The following ARX variants were observed in gnomAD, a reference collection of about 807,000 sequenced individuals.
The protein encoded by ARX is aristaless related homeobox.
A neutral mutation model predicts 23.1 loss-of-function variants in ARX; 1 was observed. The observed-to-expected ratio is 0.04, with a 90% confidence interval of 0.02 to 0.21. The LOEUF is 0.21. ARX is among the 10% of genes least tolerant of loss of function. ARX has a pLI of 1.00. For synonymous variants in ARX, 301 were observed against 270.1 expected, an observed-to-expected ratio of 1.11 and a Z score of -1.12; for missense variants, 380 against 527.5, an observed-to-expected ratio of 0.72 and a Z score of 2.74.
rs75489697 is a variant in ARX at position 25,007,212 on chromosome X, G to A, written c.1347C>T (p.Gly449=). ...AAFPSLPPPP[G]SASLPPSGAP... ...CCCCGCTGGGCGGCAGGCTGGCCGA[G>A]CCCGGAGGCGGAGGTAGGCTCGGGA... Residue 449 remains glycine (G), a synonymous_variant, in exon 4 of 5, where the codon GGC becomes GGT. Coordinates refer to ENST00000379044, the MANE Select transcript of ARX (RefSeq NM_139058.3). The A allele has an allele frequency of 0.026, 30,014 of 1,159,130 alleles. 435 individuals are homozygous for A. Among genetic ancestry groups the A allele is most frequent in the Admixed American group, 0.094 (3,732 of 39,879 alleles).
Position 25,013,671 on chromosome X carries a change from C to T in ARX, c.324G>A (p.Ala108=), listed in dbSNP as rs1333679850. 3 of 805,463 alleles carry T rather than the reference C, an allele frequency of 3.7e-6. No individual in the cohort carries two copies. The highest frequency in any genetic ancestry group is 4.5e-5 in the African/African-American group (2 of 44,065). 66.4% of individuals were successfully genotyped at this position (805,463 alleles called of 1,213,427 possible). ...CCGTGGCGGCCGCTGCCGCCGCCGCCGCCGCCGCCGCCGCCGCCGCTGCCG... is the reference window on the plus strand; with the variant it reads ...CCGTGGCGGCCGCTGCCGCCGCCGCTGCCGCCGCCGCCGCCGCCGCTGCCG... ...QGAAAAAAAA[A]AAAAAAATAT... Residue 108 remains alanine (A), a synonymous_variant, in exon 2 of 5, where the codon GCG becomes GCA. Coordinates refer to ENST00000379044, the MANE Select transcript of ARX (RefSeq NM_139058.3).
Position 25,013,539 on chromosome X carries a change from G to T in ARX, c.456C>A (p.Ala152=), listed in dbSNP as rs2048712208. Residue 152 remains alanine, a synonymous_variant, in exon 2 of 5, where the codon GCC becomes GCA. Transcript: ENST00000379044. ...AGAAAAAAAA[A]AAAWDTLKIS... The stretch of plus-strand genomic sequence containing the variant: ...TCTTGAGCGTGTCCCAGGCCGCGGC[G>T]GCCGCGGCCGCGGCTGCCGCGGCGG... 2 of 801,317 alleles carry T rather than the reference G, an allele frequency of 2.5e-6. No homozygotes were observed. Among genetic ancestry groups the T allele is most frequent in the Non-Finnish European group, 3.0e-6 (2 of 673,781 alleles). The allele number at this position is 801,317 out of a possible 1,213,427, so 66.0% of individuals were successfully genotyped here.
intron 1 of ARX, among the ~76,000 whole-genome samples, chrX:25,014,531 G>A (rs1354758592): frequency 8.9e-6 from 1 of 112,695 alleles, no homozygotes; most frequent in Non-Finnish European, 1.9e-5. Flanking sequence ...GGGTGGGGGG[G>A]CTTCTTGCAC....
At chrX:25,009,062 G>A (rs930876291) in intron 3 of ARX, among the ~76,000 whole-genome samples, 5 of 111,942 alleles carry the variant, frequency 4.5e-5, no homozygotes, top group African/African-American at 1.6e-4. Flanking sequence ...CTCCTTGATC[G>A]CAGTGAAAGA....
chrX:25,015,613 C>G lies in ARX; in HGVS notation c.125G>C (p.Arg42Pro), dbSNP rs763796730. The change falls in exon 1 of 5, where the codon CGG becomes CCG. Residue 42 changes from arginine to proline, a missense_variant. Transcript: ENST00000379044. ...CAAGCTCTGCGCGGCTCCCAGCAAC[C>G]GCATTTTGCACGGGCTCCTCCGGCC... ...ILGRRSPCKM[R>P]LLGAAQSLPA... is the part of the protein sequence containing the mutation. 1 of 1,210,343 alleles carries G rather than the reference C, an allele frequency of 8.3e-7. No individual in the cohort carries two copies. The highest frequency in any genetic ancestry group is 1.1e-6 in the Non-Finnish European group (1 of 894,756).
intron 4 of ARX, 74 bp downstream of exon 4, chrX:25,007,037 G>C: frequency 9.0e-7 from 1 of 1,106,646 alleles, no homozygotes; most frequent in Non-Finnish European, 1.2e-6. Context: ...TTTGACTCCT[G>C]CCTCCTCCCT....
At position 25,004,466 on chromosome X, in the gene ARX, C is replaced by T; in HGVS notation, c.*204G>A. 4 of 597,499 alleles carry T rather than the reference C, an allele frequency of 6.7e-6. No homozygotes were observed. Among genetic ancestry groups the T allele is most frequent in the South Asian group, 5.9e-5 (2 of 33,944 alleles). 49.2% of individuals were successfully genotyped at this position (597,499 alleles called of 1,213,427 possible). ...GCAGTAGCAGGGGCAGGGGCAGGGG[C>T]GGGTGGACAGCCAGCCGAGGAGGTG... On this transcript the variant is annotated 3_prime_UTR_variant, in exon 5 of 5. Coordinates refer to ENST00000379044, the MANE Select transcript of ARX (RefSeq NM_139058.3).
In ARX at chrX:25,004,760, G is replaced by A. The variant is rs1057523196; in HGVS notation, c.1599C>T (p.Ala533=). 3.4e-6 allele frequency: 4 copies of A among 1,169,964 alleles called. No homozygotes were observed. Among genetic ancestry groups the A allele is most frequent in the Non-Finnish European group, 4.6e-6 (4 of 874,799 alleles). ...AAADRRASSI[A]ALRLKAKEHA... ...GCTCCTTGGCCTTGAGCCTCAGCGCGGCTATGCTAGAGGCGCGTCTGTCTG... is the reference window on the plus strand; with the variant it reads ...GCTCCTTGGCCTTGAGCCTCAGCGCAGCTATGCTAGAGGCGCGTCTGTCTG... The change falls in exon 5 of 5, where the codon GCC becomes GCT. Residue 533 remains alanine (A), a synonymous_variant. Transcript: ENST00000379044.
In ARX at chrX:25,007,095, C is replaced by T. The variant is rs777796224; in HGVS notation, c.1448+16G>A. 2 of 1,181,625 alleles carry T rather than the reference C, an allele frequency of 1.7e-6. No individual in the cohort carries two copies. The highest frequency in any genetic ancestry group is 4.7e-5 in the Admixed American group (2 of 42,504). On this transcript the variant is annotated intron_variant, in intron 4 of 4. Coordinates refer to ENST00000379044, the MANE Select transcript of ARX (RefSeq NM_139058.3). ...AGAGACAGACAGACAGACAGACTTC[C>T]GAGGCTGCGCGTTACCTGCCGAATG... is the stretch of plus-strand genomic sequence containing the variant.
At chrX:25,012,883 C>T (rs764290914) in intron 2 of ARX, 39 bp downstream of exon 2, 2 of 1,188,886 alleles carry the variant, frequency 1.7e-6, no homozygotes, top group South Asian at 3.7e-5. Context: ...CCCGCGTGCG[C>T]TCTCTGCCGC....
chrX:25,007,327 C>T lies in ARX; in HGVS notation c.1232G>A (p.Ser411Asn). Residue 411 changes from serine (S) to asparagine (N), a missense_variant, in exon 4 of 5, where the codon AGC becomes AAC. Ser to Asn is a conservative substitution (Grantham distance 46). Around this residue, in one of 3 missense-constraint regions of ARX, gnomAD observed 121 missense variants for 169.7 expected, o/e 0.71. Transcript: ENST00000379044. ...GAAGGGGCTGGCGTCCAGGTAGGGG[C>T]TGAGCGGGTGGGTGGCGGAGAGCGG... is the stretch of plus-strand genomic sequence containing the variant. ...PGPLSATHPLSPYLDASPFPP... is the reference protein window; with the variant it reads ...PGPLSATHPLNPYLDASPFPP... The T allele has an allele frequency of 6.1e-6, 7 of 1,141,447 alleles. No homozygotes were observed. Among genetic ancestry groups the T allele is most frequent in the Non-Finnish European group, 6.9e-6 (6 of 865,700 alleles). 94.1% of individuals were successfully genotyped at this position (1,141,447 alleles called of 1,213,427 possible). A position where few individuals can be genotyped will look rare whatever the true frequency, so the allele number is the denominator to read the frequency against.
Position 25,013,531 on chromosome X carries a change from G to T in ARX, c.464C>A (p.Ala155Asp). The T allele has an allele frequency of 1.2e-6, 1 of 807,618 alleles. No homozygotes were observed. Among genetic ancestry groups the T allele is most frequent in the Non-Finnish European group, 1.5e-6 (1 of 677,909 alleles). 66.6% of individuals were successfully genotyped at this position (807,618 alleles called of 1,213,427 possible). A position where few individuals can be genotyped will look rare whatever the true frequency, so the allele number is the denominator to read the frequency against. ...CTGGCTGATCTTGAGCGTGTCCCAG[G>T]CCGCGGCGGCCGCGGCCGCGGCTGC... ...AAAAAAAAAA[A>D]WDTLKISQAP... Residue 155 changes from alanine (A) to aspartate (D), a missense_variant, in exon 2 of 5, where the codon GCC (alanine) becomes GAC (aspartate). Around this residue, in one of 3 missense-constraint regions of ARX, gnomAD observed 235 missense variants for 270.2 expected, o/e 0.87. Transcript: ENST00000379044.
chrX:25,009,797 C>T (rs2048694148), intron 3 of ARX, among the ~76,000 whole-genome samples: 1 of 111,861 alleles, frequency 8.9e-6, no homozygotes, highest in Non-Finnish European at 1.9e-5. Flanking sequence ...TTCAAATGGC[C>T]CTGTTTGTTC....
intron 1 of ARX, among the ~76,000 whole-genome samples, chrX:25,015,336 G>C (rs1236841827): frequency 8.9e-6 from 1 of 111,878 alleles, no homozygotes; most frequent in African/African-American, 3.2e-5. Context: ...AAGCGAAAAC[G>C]GGCCTTTTTC....
Position 25,007,356 on chromosome X carries a change from C to T in ARX, c.1203G>A (p.Pro401=). ...AQTHPPGLPF[P]GPLSATHPLS... ...GCGGGTGGGTGGCGGAGAGCGGCCC[C>T]GGGAAGGGCAGCCCAGGGGGGTGGG... The change falls in exon 4 of 5, where the codon CCG becomes CCA. Residue 401 remains proline (P), a synonymous_variant. Coordinates refer to ENST00000379044, the MANE Select transcript of ARX (RefSeq NM_139058.3). The T allele has an allele frequency of 3.5e-6, 4 of 1,146,847 alleles. No individual in the cohort carries two copies. Among genetic ancestry groups the T allele is most frequent in the South Asian group, 1.9e-5 (1 of 51,300 alleles). The allele number at this position is 1,146,847 out of a possible 1,213,427, so 94.5% of individuals were successfully genotyped here.
intron 2 of ARX, among the ~76,000 whole-genome samples, chrX:25,011,502 T>C (rs755468862): frequency 5.4e-4 from 61 of 113,124 alleles, no homozygotes; most frequent in African/African-American, 1.9e-3. Flanking sequence ...TCTTTGGAAA[T>C]ACACACGTAC....
chrX:25,007,596 G>C lies in ARX; in HGVS notation c.1120-157C>G, dbSNP rs192363904. Among the ~76,000 whole-genome samples, 4,332 of 111,382 alleles carry C rather than the reference G, an allele frequency of 0.039. 212 individuals carry two copies. Among genetic ancestry groups the C allele is most frequent in the African/African-American group, 0.13 (4,069 of 30,597 alleles). On this transcript the variant is annotated intron_variant, in intron 3 of 4. Coordinates refer to ENST00000379044, the MANE Select transcript of ARX (RefSeq NM_139058.3). Reference sequence around the variant, plus strand: ...CTTTGGCCTCAGGTTGTTTTCGGACGCGTCTGGGGCCAAATGAGCAGTGAA... The same window carrying C: ...CTTTGGCCTCAGGTTGTTTTCGGACCCGTCTGGGGCCAAATGAGCAGTGAA...
Position 25,015,706 on chromosome X carries a change from G to C in ARX, c.32C>G (p.Ser11Cys), listed in dbSNP as rs1698759878. 8.3e-7 allele frequency: 1 copy of C among 1,201,602 alleles called. No homozygotes were observed. Among genetic ancestry groups the C allele is most frequent in the African/African-American group, 1.7e-5 (1 of 57,273 alleles). Reference sequence around the variant, plus strand: ...TTTACTTTTGCACTCGGGCCTCTCGGAGCAGCCCTCCTCCTGGTACTGATT... The same window carrying C: ...TTTACTTTTGCACTCGGGCCTCTCGCAGCAGCCCTCCTCCTGGTACTGATT... The part of the protein sequence containing the change: MSNQYQEEGC[S>C]ERPECKSKSP... The change falls in exon 1 of 5, where the codon TCC (serine) becomes TGC (cysteine). Residue 11 changes from serine (S) to cysteine (C), a missense_variant. Physicochemically the swap from Ser to Cys is moderately radical, Grantham distance 112. Coordinates refer to ENST00000379044, the MANE Select transcript of ARX (RefSeq NM_139058.3).
At chrX:25,008,862 A>G (rs2048689891) in intron 3 of ARX, among the ~76,000 whole-genome samples, 1 of 112,218 alleles carries the variant, frequency 8.9e-6, no homozygotes, top group Non-Finnish European at 1.9e-5. Context: ...AAATCGGTCA[A>G]TTACTTCCAA....
Sources: gnomAD v4.1 joint callset for allele counts (sites outside exome capture counted in the v4.1 genomes callset) on GRCh38, gnomAD v4.1.1 for gene constraint, gnomAD v4.1.1 regional missense constraint, MANE v1.5 for transcripts, NCBI Gene and HGNC (gene_info 2026-07-23, HGNC 2026-07-21) for gene names.